PEAK1: variants seen among roughly 807,000 people sequenced by gnomAD.
PEAK1 encodes the protein inactive tyrosine-protein kinase PEAK1.
A neutral mutation model predicts 124.7 loss-of-function variants in PEAK1; 54 were observed. The observed-to-expected ratio is 0.43, with a 90% confidence interval of 0.35 to 0.54. The LOEUF (loss-of-function observed/expected upper bound fraction) is 0.54. PEAK1 is among the 20% of genes least tolerant of loss of function. The pLI is 0.01. For synonymous variants in PEAK1, 719 were observed against 760.0 expected (o/e 0.95, Z 0.89); for missense variants, 2,046 against 2,134.5 (o/e 0.96, Z 0.82).
Position 77,211,514 on chromosome 15 carries a change from A to G in PEAK1, c.-114-29474T>C, listed in dbSNP as rs531243931. On this transcript the variant is annotated intron_variant, in intron 6 of 9. Coordinates refer to ENST00000682557, the MANE Select transcript of PEAK1 (RefSeq NM_001385026.1). ...ACTCAGCATACAAATGCTGAGCAAA[A>G]TAAAATAATGACTTATGACTGCTAT... 5.3e-5 allele frequency among the ~76,000 whole-genome samples: 8 copies of G among 152,262 alleles called. No individual in the cohort carries two copies. In the South Asian group the frequency reaches 1.7e-3, roughly 32 times the overall value.
intron 8 of PEAK1, among the ~76,000 whole-genome samples, chr15:77,149,529 A>C (rs566580505): frequency 2.6e-4 from 40 of 152,314 alleles, no homozygotes; most frequent in African/African-American, 8.7e-4. Flanking sequence ...CATGCAAATG[A>C]CTTGTTGAAC....
intron 6 of PEAK1, among the ~76,000 whole-genome samples, chr15:77,230,954 T>C (rs2059887816): frequency 6.6e-6 from 1 of 152,106 alleles, no homozygotes; most frequent in East Asian, 1.9e-4. Flanking sequence ...GGGGATAATA[T>C]ACACATCTAA....
chr15:77,199,512 T>C (rs896253833), intron 6 of PEAK1, among the ~76,000 whole-genome samples: 3 of 152,194 alleles, frequency 2.0e-5, no homozygotes, highest in African/African-American at 7.2e-5. Context: ...GAAGATGACA[T>C]TGTTGTTACA....
At chr15:77,334,008 A>G (rs1344240572) in intron 2 of PEAK1, 18 of 487,850 alleles carry the variant, frequency 3.7e-5, no homozygotes, top group South Asian at 9.0e-5. Context: ...AAGAATTAAT[A>G]TAAGACTGAG....
rs570036456 is a variant in PEAK1 at position 77,257,189 on chromosome 15, G to A, written c.-274-4663C>T. The stretch of plus-strand genomic sequence containing the variant: ...GTGAACAGTGCCACAATAAACATAC[G>A]TGTGCATGTGTCTTTATAGCAGCAT... On this transcript the variant is annotated intron_variant, in intron 5 of 9. Transcript: ENST00000682557. Among the ~76,000 whole-genome samples, 18 of 152,110 alleles carry A rather than the reference G, an allele frequency of 1.2e-4. 1 individual carries two copies. Among genetic ancestry groups the A allele is most frequent in the African/African-American group, 3.1e-4 (13 of 41,492 alleles).
chr15:77,121,476 A>G (rs1200376310), intron 9 of PEAK1, among the ~76,000 whole-genome samples: 1 of 152,212 alleles, frequency 6.6e-6, no homozygotes, highest in Non-Finnish European at 1.5e-5. Flanking sequence ...ATAAACCTGA[A>G]TAATAAACAC....
intron 2 of PEAK1, among the ~76,000 whole-genome samples, chr15:77,355,146 A>T (rs1294774837): frequency 6.6e-6 from 1 of 152,196 alleles, no homozygotes; most frequent in Non-Finnish European, 1.5e-5. Context: ...ACCTAGAAAG[A>T]AAGAAAATAA....
chr15:77,306,739 C>T (rs2064128254), intron 2 of PEAK1, among the ~76,000 whole-genome samples: 1 of 152,098 alleles, frequency 6.6e-6, no homozygotes, highest in Non-Finnish European at 1.5e-5. Flanking sequence ...CCAAACTCTC[C>T]ATAACTTGAT....
In PEAK1 at chr15:77,226,871, G is replaced by T. The variant is rs571545311; in HGVS notation, c.-115+25496C>A. 3.3e-5 allele frequency among the ~76,000 whole-genome samples: 5 copies of T among 152,250 alleles called. No homozygotes were observed. In the East Asian group the frequency reaches 9.7e-4, roughly 29 times the overall value. The stretch of plus-strand genomic sequence containing the variant: ...TTATAGACAAGGAAACTGAAGTTCA[G>T]AGAGATTTCGTGATTTGCTCATAGA... On this transcript the variant is annotated intron_variant, in intron 6 of 9. Transcript: ENST00000682557.
chr15:77,160,707 A>G (rs1209691545), intron 7 of PEAK1, among the ~76,000 whole-genome samples: 1 of 152,150 alleles, frequency 6.6e-6, no homozygotes, highest in African/African-American at 2.4e-5. Context: ...TTGAAAGAAA[A>G]AAAAATGTTA....
At chr15:77,156,902 T>C (rs1004720828) in intron 8 of PEAK1, 3 of 152,228 alleles carry the variant, frequency 2.0e-5, no homozygotes, top group Non-Finnish European at 4.4e-5. Flanking sequence ...AATAAGCTGT[T>C]TGATGATAAA....
chr15:77,337,640 G>T, intron 2 of PEAK1: 1 of 985,410 alleles, frequency 1.0e-6, no homozygotes, highest in Non-Finnish European at 1.2e-6. Context: ...TCCCATGAAT[G>T]AGATGAAATC....
chr15:77,263,341 A>G (rs112156952), intron 5 of PEAK1, among the ~76,000 whole-genome samples: 1,565 of 152,282 alleles, frequency 0.01, 32 homozygotes, highest in African/African-American at 0.036. Flanking sequence ...AGATCAACAA[A>G]ATTGATAGAC....
At chr15:77,399,461 T>G (rs1183139563) in intron 1 of PEAK1, among the ~76,000 whole-genome samples, 1 of 152,096 alleles carries the variant, frequency 6.6e-6, no homozygotes. Context: ...GTATTAGCAT[T>G]AAAAATAAAC....
intron 1 of PEAK1, among the ~76,000 whole-genome samples, chr15:77,397,835 G>A (rs775605792): frequency 6.6e-5 from 10 of 152,154 alleles, no homozygotes; most frequent in South Asian, 2.1e-4. Context: ...CAAGGTGGGC[G>A]GATCACCTGA....
chr15:77,268,971 ATTCGCC>A (rs2061882437), intron 5 of PEAK1, among the ~76,000 whole-genome samples: 1 of 152,154 alleles, frequency 6.6e-6, no homozygotes, highest in Non-Finnish European at 1.5e-5. Context: ...TGCTGAAAGA[ATTCGCC>A]ACTACCAAGC....
intron 8 of PEAK1, among the ~76,000 whole-genome samples, chr15:77,143,812 A>G (rs554099192): frequency 2.0e-5 from 3 of 152,286 alleles, no homozygotes; most frequent in African/African-American, 7.2e-5. Flanking sequence ...TGAATTCCCT[A>G]CTGGTTTGCT....
Position 77,215,506 on chromosome 15 carries a change from C to T in PEAK1, c.-114-33466G>A, listed in dbSNP as rs148666378. On this transcript the variant is annotated intron_variant, in intron 6 of 9. Coordinates refer to ENST00000682557, the MANE Select transcript of PEAK1 (RefSeq NM_001385026.1). ...CACACTCTCGTATACTTTAAATCATCTCTAAATTACTTATAACACCTAATA... is the reference window on the plus strand; with the variant it reads ...CACACTCTCGTATACTTTAAATCATTTCTAAATTACTTATAACACCTAATA... Among the ~76,000 whole-genome samples, 231 of 152,268 alleles carry T rather than the reference C, an allele frequency of 1.5e-3. 1 individual carries two copies. The highest frequency in any genetic ancestry group is 2.7e-3 in the Non-Finnish European group (182 of 68,026).
intron 2 of PEAK1, among the ~76,000 whole-genome samples, chr15:77,286,985 A>G (rs960409178): frequency 5.3e-5 from 8 of 152,202 alleles, no homozygotes; most frequent in African/African-American, 1.9e-4. Context: ...TATGCATCAT[A>G]TCTTGCATAT....
Sources: gnomAD v4.1 joint callset for allele counts (sites outside exome capture counted in the v4.1 genomes callset) on GRCh38, gnomAD v4.1.1 for gene constraint, MANE v1.5 for transcripts, NCBI Gene and HGNC (gene_info 2026-07-23, HGNC 2026-07-21) for gene names.